LRMDA: variants seen among roughly 807,000 people sequenced by gnomAD.
LRMDA encodes the protein leucine-rich melanocyte differentiation-associated protein.
A neutral mutation model predicts 29.8 loss-of-function variants in LRMDA; 18 were observed. That is an observed-to-expected ratio of 0.60 (90% CI 0.42 to 0.90). The LOEUF (loss-of-function observed/expected upper bound fraction) is 0.90, where lower values mean the gene tolerates loss of function less well. Among genes scored for constraint, LRMDA ranks in the 40% least tolerant of loss-of-function variants. The pLI is 0.00. For missense variants in LRMDA, 273 were observed against 273.9 expected (o/e 1.00, Z 0.02); for synonymous variants, 125 against 109.4 (o/e 1.14, Z -0.89).
intron 4 of LRMDA, among the ~76,000 whole-genome samples, chr10:76,055,063 CAAAAAAAAAAAAAAAA>C (rs531729040): frequency 2.8e-4 from 13 of 45,902 alleles, no homozygotes; most frequent in Admixed American, 2.7e-3. Flanking sequence ...GACTCCATCT[CAAAAAAAAAAAAAAAA>C]AAAAAAAAAA....
At chr10:75,843,509 G>T (rs549508943) in intron 2 of LRMDA, among the ~76,000 whole-genome samples, 1 of 152,294 alleles carries the variant, frequency 6.6e-6, no homozygotes, top group South Asian at 2.1e-4. Flanking sequence ...AGTTTCCTGT[G>T]TCTTTCTTGC....
intron 6 of LRMDA, among the ~76,000 whole-genome samples, chr10:76,382,985 A>G (rs1393747246): frequency 6.6e-6 from 1 of 152,242 alleles, no homozygotes; most frequent in Non-Finnish European, 1.5e-5. Flanking sequence ...GAGAAAGGAC[A>G]ATTACTGTTT....
intron 2 of LRMDA, among the ~76,000 whole-genome samples, chr10:75,616,579 T>C (rs919350563): frequency 6.6e-6 from 1 of 152,248 alleles, no homozygotes; most frequent in Non-Finnish European, 1.5e-5. Context: ...GGTATGTACA[T>C]AGAGCTTCTC....
chr10:76,069,800 A>G (rs1180828223), intron 5 of LRMDA, among the ~76,000 whole-genome samples: 3 of 151,992 alleles, frequency 2.0e-5, no homozygotes, highest in Non-Finnish European at 4.4e-5. Context: ...CTCCTCCCCC[A>G]TTCCACAGCC....
chr10:75,976,202 C>T (rs1403857496), intron 2 of LRMDA, among the ~76,000 whole-genome samples: 1 of 152,264 alleles, frequency 6.6e-6, no homozygotes, highest in Non-Finnish European at 1.5e-5. Context: ...CTGTACATGC[C>T]AGGCCCCTTG....
At chr10:76,431,944 T>A (rs1299346819) in intron 6 of LRMDA, among the ~76,000 whole-genome samples, 2 of 152,200 alleles carry the variant, frequency 1.3e-5, no homozygotes, top group Non-Finnish European at 2.9e-5. Flanking sequence ...TTTCACCTTC[T>A]GCCATGATTG....
intron 5 of LRMDA, among the ~76,000 whole-genome samples, chr10:76,092,731 T>G (rs189469095): frequency 1.3e-5 from 2 of 152,298 alleles, no homozygotes; most frequent in East Asian, 3.9e-4. Flanking sequence ...AAAGCAAGTG[T>G]GTATGGAATA....
intron 2 of LRMDA, among the ~76,000 whole-genome samples, chr10:75,983,612 T>C (rs956891801): frequency 1.3e-5 from 2 of 152,242 alleles, no homozygotes; most frequent in Admixed American, 1.3e-4. Flanking sequence ...AATAGGTATG[T>C]GTATATGTGT....
In LRMDA at chr10:76,204,796, G is replaced by A. The variant is rs192484865; in HGVS notation, c.517-119605G>A. Among the ~76,000 whole-genome samples, 51 of 152,290 alleles carry A rather than the reference G, an allele frequency of 3.3e-4. 2 individuals carry two copies. Among genetic ancestry groups the A allele is most frequent in the African/African-American group, 1.2e-3 (49 of 41,552 alleles). ...AAAGAAATAGGGTTATTTCCTTTCC[G>A]GAAGAATGTTATTTGAGCTGCCATC... On this transcript the variant is annotated intron_variant, in intron 5 of 6. Coordinates refer to ENST00000611255, the MANE Select transcript of LRMDA (RefSeq NM_001305581.2).
chr10:76,421,626 C>T (rs535534595), intron 6 of LRMDA, among the ~76,000 whole-genome samples: 92 of 152,214 alleles, frequency 6.0e-4, no homozygotes, highest in Non-Finnish European at 1.1e-3. Context: ...TTTAAGCTAT[C>T]GTATGTTTCG....
intron 2 of LRMDA, among the ~76,000 whole-genome samples, chr10:75,750,031 T>C (rs920549820): frequency 6.6e-6 from 1 of 152,272 alleles, no homozygotes; most frequent in African/African-American, 2.4e-5. Context: ...TACTTCTTTC[T>C]ACACAGACAC....
chr10:76,293,767 G>A (rs900958517), intron 5 of LRMDA, among the ~76,000 whole-genome samples: 9 of 152,076 alleles, frequency 5.9e-5, no homozygotes, highest in African/African-American at 2.2e-4. Flanking sequence ...GATTCCAGCT[G>A]GGCTATGAAA....
intron 2 of LRMDA, among the ~76,000 whole-genome samples, chr10:75,950,638 G>T (rs1316204441): frequency 6.6e-6 from 1 of 152,212 alleles, no homozygotes; most frequent in Non-Finnish European, 1.5e-5. Flanking sequence ...GCTAATTGAA[G>T]TCCTCTTCGG....
intron 2 of LRMDA, among the ~76,000 whole-genome samples, chr10:75,497,101 A>G (rs1845053187): frequency 6.6e-6 from 1 of 152,190 alleles, no homozygotes; most frequent in Non-Finnish European, 1.5e-5. Flanking sequence ...GGCCACACCC[A>G]GAACAAAGCA....
intron 5 of LRMDA, among the ~76,000 whole-genome samples, chr10:76,126,345 G>A (rs112160162): frequency 2.6e-5 from 4 of 152,126 alleles, no homozygotes; most frequent in African/African-American, 4.8e-5. Flanking sequence ...TGCAGATAGC[G>A]CATAGGCATT....
intron 5 of LRMDA, among the ~76,000 whole-genome samples, chr10:76,128,875 G>A (rs898757837): frequency 1.3e-5 from 2 of 152,194 alleles, no homozygotes; most frequent in African/African-American, 4.8e-5. Flanking sequence ...ATGTGCTAGA[G>A]GACCTCCTGG....
chr10:75,783,043 A>T (rs1843413080), intron 2 of LRMDA: 2 of 1,613,772 alleles, frequency 1.2e-6, no homozygotes, highest in African/African-American at 2.7e-5. Flanking sequence ...CAGGACCCTT[A>T]ATCAAAGAGT....
intron 5 of LRMDA, among the ~76,000 whole-genome samples, chr10:76,254,343 C>A (rs61863467): frequency 0.17 from 7,915 of 47,838 alleles, 524 homozygotes; most frequent in African/African-American, 0.34. Context: ...ACCATACCAT[C>A]CTATCCTATC....
intron 2 of LRMDA, among the ~76,000 whole-genome samples, chr10:75,993,219 T>A (rs986696225): frequency 7.9e-5 from 12 of 152,104 alleles, no homozygotes; most frequent in African/African-American, 2.9e-4. Context: ...CAAAGCTACT[T>A]TTCTGTCCTA....
Sources: gnomAD v4.1 joint callset for allele counts (sites outside exome capture counted in the v4.1 genomes callset) on GRCh38, gnomAD v4.1.1 for gene constraint, MANE v1.5 for transcripts, NCBI Gene and HGNC (gene_info 2026-07-23, HGNC 2026-07-21) for gene names.